RSPH14: variants seen among roughly 807,000 people sequenced by gnomAD.
The protein encoded by RSPH14 is rhabdoid tumor deletion region gene 1.
Under a neutral mutation model 26.7 loss-of-function variants are expected in RSPH14, and 20 were observed. That is an observed-to-expected ratio of 0.75 (90% CI 0.53 to 1.09). The LOEUF (loss-of-function observed/expected upper bound fraction) is 1.09. RSPH14 is among the 50% of genes least tolerant of loss of function. RSPH14 has a pLI of 0.00. For missense variants in RSPH14, 449 were observed against 457.2 expected (o/e 0.98, Z 0.16); for synonymous variants, 177 against 189.3 (o/e 0.93, Z 0.53).
chr22:23,147,557 C>G (rs1273078895), upstream of RSPH14, among the ~76,000 whole-genome samples: 1 of 151,858 alleles, frequency 6.6e-6, no homozygotes, highest in Non-Finnish European at 1.5e-5. Flanking sequence ...GGTCTTGAAC[C>G]CCTGGCCTCA....
At chr22:23,129,723 C>T (rs2070262932) in intron 4 of RSPH14, among the ~76,000 whole-genome samples, 1 of 151,702 alleles carries the variant, frequency 6.6e-6, no homozygotes. Context: ...AGTTCAAGAC[C>T]AGCCTGGTCA....
At chr22:23,105,704 T>G (rs942511103) in intron 4 of RSPH14, among the ~76,000 whole-genome samples, 12 of 152,246 alleles carry the variant, frequency 7.9e-5, no homozygotes, top group Non-Finnish European at 7.3e-5. Flanking sequence ...TGTTGACAGC[T>G]TCCAATCTAC....
intron 4 of RSPH14, among the ~76,000 whole-genome samples, chr22:23,068,044 T>C (rs559657016): frequency 6.6e-6 from 1 of 152,338 alleles, no homozygotes; most frequent in African/African-American, 2.4e-5. Context: ...ATGTTAAAAC[T>C]CTCGAGCAGT....
chr22:23,162,548 TC>T, the RSPH14 span: 1 of 437,270 alleles, frequency 2.3e-6, no homozygotes, highest in Non-Finnish European at 4.7e-6. Context: ...CATGTTCCTG[TC>T]TCCAACACCG....
At chr22:23,094,350 G>C (rs2069064828) in intron 4 of RSPH14, among the ~76,000 whole-genome samples, 1 of 151,934 alleles carries the variant, frequency 6.6e-6, no homozygotes, top group Non-Finnish European at 1.5e-5. Context: ...AAGTCACAGG[G>C]GCATCCTAGG....
intron 4 of RSPH14, among the ~76,000 whole-genome samples, chr22:23,069,861 T>C (rs975308367): frequency 6.6e-6 from 1 of 152,128 alleles, no homozygotes; most frequent in Non-Finnish European, 1.5e-5. Flanking sequence ...TAGCCCCACT[T>C]TGCAAACAGA....
chr22:23,154,797 C>A, the RSPH14 span, among the ~76,000 whole-genome samples: 1 of 152,150 alleles, frequency 6.6e-6, no homozygotes, highest in Non-Finnish European at 1.5e-5. Flanking sequence ...AGAATGAAGC[C>A]CAAACTTCTG....
chr22:23,095,472 A>G, intron 4 of RSPH14: 2 of 562,568 alleles, frequency 3.6e-6, no homozygotes, highest in Non-Finnish European at 3.1e-6. Flanking sequence ...GTGGAGTGTC[A>G]CTAGTGGGGA....
chr22:23,171,488 C>T, the RSPH14 span, among the ~76,000 whole-genome samples: 3 of 152,194 alleles, frequency 2.0e-5, no homozygotes, highest in Non-Finnish European at 4.4e-5. Context: ...AGAATTTCAA[C>T]ATACAAATTT....
the RSPH14 span, among the ~76,000 whole-genome samples, chr22:23,166,147 TAAAAAAAAAAAAAAAAAAAAA>T: frequency 1.7e-5 from 1 of 59,888 alleles, no homozygotes; most frequent in Non-Finnish European, 2.8e-5. Flanking sequence ...CTCTGTCTTT[TAAAAAAAAAAAAAAAAAAAAA>T]AAAAAAAAAG....
intron 4 of RSPH14, among the ~76,000 whole-genome samples, chr22:23,120,573 G>A (rs1447976710): frequency 6.6e-6 from 1 of 152,146 alleles, no homozygotes; most frequent in African/African-American, 2.4e-5. Context: ...GCTAAGCTGG[G>A]TATTAAAACC....
At position 23,071,722 on chromosome 22, in the gene RSPH14, G is replaced by A. The variant is rs2068382344; in HGVS notation, c.422-7589C>T. On this transcript the variant is annotated intron_variant, in intron 4 of 6. Coordinates refer to ENST00000216036, the MANE Select transcript of RSPH14 (RefSeq NM_014433.3). The surrounding 1 kb of genome is among the most constrained non-coding windows in gnomAD (Gnocchi z 4.1). ...AGTGCAGGTGCAGGGGCCTCGGGAG[G>A]GACCTCAGAGTGGTGTCCTGGGCTG... is the stretch of plus-strand genomic sequence containing the variant. Among the ~76,000 whole-genome samples, 3 of 152,224 alleles carry A rather than the reference G, an allele frequency of 2.0e-5. No individual in the cohort carries two copies. Among genetic ancestry groups the A allele is most frequent in the Admixed American group, 2.0e-4 (3 of 15,286 alleles).
chr22:23,074,903 G>A (rs567604186), intron 4 of RSPH14, among the ~76,000 whole-genome samples: 7 of 152,226 alleles, frequency 4.6e-5, no homozygotes, highest in South Asian at 2.1e-4. Flanking sequence ...ACATGATGGC[G>A]CACACCTGTA....
At position 23,137,151 on chromosome 22, in the gene RSPH14, G is replaced by C. The variant is rs1569196597; in HGVS notation, c.302+1689C>G. ...GGACTAGCAGGGCTGAGTGACTTTG[G>C]GTTTTATGAGATGCCCTGCAGCCTC... is the stretch of plus-strand genomic sequence containing the variant. On this transcript the variant is annotated intron_variant, in intron 3 of 6. Transcript: ENST00000216036. 1.4e-5 allele frequency among the ~76,000 whole-genome samples: 2 copies of C among 138,858 alleles called. 1 individual carries two copies. The highest frequency in any genetic ancestry group is 3.2e-5 in the Non-Finnish European group (2 of 62,246). 91.1% of individuals were successfully genotyped at this position (138,858 alleles called of 152,430 possible).
chr22:23,111,755 G>A (rs577820038), intron 4 of RSPH14, among the ~76,000 whole-genome samples: 3 of 152,210 alleles, frequency 2.0e-5, no homozygotes, highest in African/African-American at 7.2e-5. Context: ...AGCCAGCAGG[G>A]TCGTGGGCAA....
At chr22:23,103,008 G>C (rs1040199485) in intron 4 of RSPH14, among the ~76,000 whole-genome samples, 3 of 152,188 alleles carry the variant, frequency 2.0e-5, no homozygotes, top group Admixed American at 2.0e-4. Flanking sequence ...GAGGAGGGAG[G>C]AGAGAACAAG....
intron 4 of RSPH14, among the ~76,000 whole-genome samples, chr22:23,080,785 A>G (rs2068655021): frequency 6.6e-6 from 1 of 152,260 alleles, no homozygotes; most frequent in Non-Finnish European, 1.5e-5. Context: ...GATAAATGAA[A>G]TGCAGAGTCA....
the RSPH14 span, chr22:23,157,980 C>T: frequency 1.2e-6 from 2 of 1,614,160 alleles, no homozygotes; most frequent in South Asian, 2.2e-5. Flanking sequence ...TTGGCTTTTT[C>T]CGGGTGTCTA....
chr22:23,065,533 G>GAAAA (rs2068189096), intron 4 of RSPH14, among the ~76,000 whole-genome samples: 1 of 7,204 alleles, frequency 1.4e-4, no homozygotes, highest in African/African-American at 6.7e-4. Flanking sequence ...TGCACAGATT[G>GAAAA]CAAAAAAAAA....
Sources: gnomAD v4.1 joint callset for allele counts (sites outside exome capture counted in the v4.1 genomes callset) on GRCh38, gnomAD v4.1.1 for gene constraint, Gnocchi (gnomAD v3.1) non-coding constraint, MANE v1.5 for transcripts, NCBI Gene and HGNC (gene_info 2026-07-23, HGNC 2026-07-21) for gene names.